The following BCL9 variants were observed in gnomAD, a reference collection of about 807,000 sequenced individuals.
The protein encoded by BCL9 is B-cell CLL/lymphoma 9 protein.
Under a neutral mutation model 88.5 loss-of-function variants are expected in BCL9, and 25 were observed. The observed-to-expected ratio is 0.28, with a 90% confidence interval of 0.21 to 0.39. BCL9 has a LOEUF of 0.39. Ranked by LOEUF, BCL9 falls within the 10% of genes least tolerant of loss-of-function variation. BCL9 has a pLI of 1.00. For missense variants in BCL9, 1,817 were observed against 1,877.8 expected (o/e 0.97, Z 0.60); for synonymous variants, 711 against 673.3 (o/e 1.06, Z -0.87).
rs191766933 is a variant in BCL9, at chr1:147,625,578, C to T, written c.*619C>T. 51 of 158,898 alleles carry T rather than the reference C, an allele frequency of 3.2e-4. No homozygotes were observed. Among genetic ancestry groups the T allele is most frequent in the African/African-American group, 1.4e-3 (37 of 26,074 alleles). 9.8% of individuals were successfully genotyped at this position (158,898 alleles called of 1,614,324 possible). ...GCACAAAAAAAGGAACTAAGTTCAG[C>T]GAGGGGTGGGGGGAGGGGGGAGATT... On this transcript the variant is annotated 3_prime_UTR_variant, in exon 10 of 10. Transcript: ENST00000234739.
Position 147,619,535 on chromosome 1 carries a change from C to G in BCL9, c.1380C>G (p.Asp460Glu). ...CCCAGTCTGGGACCATAGGACCCGA[C>G]CACCTTGACCATATGACTCCCGAGC... is the stretch of plus-strand genomic sequence containing the variant. The part of the protein sequence containing the change: ...MNSQSGTIGP[D>E]HLDHMTPEQI... Residue 460 changes from aspartate (D) to glutamate (E), a missense_variant, in exon 8 of 10, where the codon GAC (aspartate) becomes GAG (glutamate). By Grantham distance (45) the Asp-to-Glu change is conservative. Transcript: ENST00000234739. The surrounding 1 kb of genome is among the most constrained non-coding windows in gnomAD (Gnocchi z 4.1). The G allele has an allele frequency of 6.2e-7, 1 of 1,614,138 alleles. No homozygotes were observed. Among genetic ancestry groups the G allele is most frequent in the Non-Finnish European group, 8.5e-7 (1 of 1,180,020 alleles).
intron 7 of BCL9, among the ~76,000 whole-genome samples, chr1:147,618,281 C>G (rs927002149): frequency 4.9e-4 from 75 of 152,178 alleles, no homozygotes; most frequent in African/African-American, 1.7e-3. Flanking sequence ...CCAGAGGAGA[C>G]GTTGAAATGG....
In BCL9 at chr1:147,622,390, A is replaced by G; in HGVS notation, c.3022A>G (p.Ile1008Val). The stretch of plus-strand genomic sequence containing the variant: ...AACCCTTTCCCAGAACCCACTCTCT[A>G]TTATGATGTCTCGAATGTCCAAGTT... The part of the protein sequence containing the change: ...EPTLSQNPLS[I>V]MMSRMSKFAM... Residue 1008 changes from isoleucine to valine, a missense_variant, in exon 9 of 10, where the codon ATT (isoleucine) becomes GTT (valine). Around this residue, in one of 2 missense-constraint regions of BCL9, gnomAD observed 589 missense variants for 686.2 expected, o/e 0.86. Transcript: ENST00000234739. The G allele has an allele frequency of 1.2e-6, 2 of 1,614,128 alleles. No individual in the cohort carries two copies. Among genetic ancestry groups the G allele is most frequent in the Non-Finnish European group, 1.7e-6 (2 of 1,180,026 alleles).
At position 147,624,385 on chromosome 1, in the gene BCL9, T is replaced by A; in HGVS notation, c.3707T>A (p.Leu1236Gln). The A allele has an allele frequency of 6.2e-7, 1 of 1,614,224 alleles. No individual in the cohort carries two copies. ...PGATGIPEFD[L>Q]SRIIPSEKPS... is the part of the protein sequence containing the mutation. ...GCCACCGGAATACCTGAGTTTGATC[T>A]ATCCCGCATTATTCCATCTGAGAAG... The change falls in exon 10 of 10, where the codon CTA becomes CAA. Residue 1236 changes from leucine (L) to glutamine (Q), a missense_variant. This residue lies in a region of BCL9 where 589 missense variants were observed against 686.2 expected (regional missense o/e 0.86). Transcript: ENST00000234739. The surrounding 1 kb of genome is among the most constrained non-coding windows in gnomAD (Gnocchi z 4.4).
intron 1 of BCL9, among the ~76,000 whole-genome samples, chr1:147,568,957 A>G (rs1655737321): frequency 1.3e-5 from 2 of 152,132 alleles, no homozygotes; most frequent in Admixed American, 6.5e-5. Context: ...CATAAGATAA[A>G]TGTTTTCCCT....
chr1:147,623,937 T>A lies in BCL9; in HGVS notation c.3259T>A (p.Ser1087Thr). 6.2e-7 allele frequency: 1 copy of A among 1,614,204 alleles called. No homozygotes were observed. The highest frequency in any genetic ancestry group is 1.1e-5 in the South Asian group (1 of 91,086). Residue 1087 changes from serine to threonine, a missense_variant, in exon 10 of 10, where the codon TCT becomes ACT. By Grantham distance (58) the Ser-to-Thr change is moderately conservative. Transcript: ENST00000234739. Reference sequence around the variant, plus strand: ...CCCAATGGGAATGACCCAGCCACTTTCTCACTCCAATCAGATGCCCTCTCC... The same window carrying A: ...CCCAATGGGAATGACCCAGCCACTTACTCACTCCAATCAGATGCCCTCTCC... The part of the protein sequence containing the change: ...LSPMGMTQPL[S>T]HSNQMPSPNA...
chr1:147,542,309 T>C (rs1219010214), intron 1 of BCL9, among the ~76,000 whole-genome samples: 3 of 152,184 alleles, frequency 2.0e-5, no homozygotes, highest in African/African-American at 4.8e-5. Context: ...CACAAGACGA[T>C]CCAGAAACTT....
intron 2 of BCL9, among the ~76,000 whole-genome samples, chr1:147,605,867 G>A (rs1657672967): frequency 6.6e-6 from 1 of 152,156 alleles, no homozygotes; most frequent in African/African-American, 2.4e-5. Context: ...TGTTAAACAT[G>A]ACATCGTTCT....
chr1:147,583,256 C>CTTTT (rs1280964843), intron 1 of BCL9, among the ~76,000 whole-genome samples: 11 of 151,586 alleles, frequency 7.3e-5, no homozygotes, highest in African/African-American at 2.4e-4. Flanking sequence ...GACTGTTTGC[C>CTTTT]TTTTATTTAT....
At chr1:147,603,112 T>G (rs1553201548) in intron 1 of BCL9, among the ~76,000 whole-genome samples, 1 of 152,232 alleles carries the variant, frequency 6.6e-6, no homozygotes, top group African/African-American at 2.4e-5. Context: ...CCAATTTCTG[T>G]AAAACTACAG....
intron 1 of BCL9, among the ~76,000 whole-genome samples, chr1:147,589,910 A>G (rs1289247650): frequency 3.9e-5 from 6 of 152,200 alleles, no homozygotes; most frequent in Non-Finnish European, 8.8e-5. Flanking sequence ...ACAAACTGCT[A>G]AACTGTTTTT....
intron 1 of BCL9, among the ~76,000 whole-genome samples, chr1:147,576,986 A>C (rs1462458789): frequency 6.6e-6 from 1 of 152,232 alleles, no homozygotes; most frequent in African/African-American, 2.4e-5. Context: ...ACAGGGCTTG[A>C]TGAATCTTTG....
intron 3 of BCL9, among the ~76,000 whole-genome samples, chr1:147,610,717 G>C (rs1657954295): frequency 6.6e-6 from 1 of 152,228 alleles, no homozygotes; most frequent in South Asian, 2.1e-4. Context: ...GAGACTTAAA[G>C]TATGTCTTGG....
intron 1 of BCL9, among the ~76,000 whole-genome samples, chr1:147,550,462 A>G (rs371991426): frequency 1.6e-4 from 24 of 152,210 alleles, no homozygotes; most frequent in African/African-American, 5.8e-4. Context: ...AATTTATAAC[A>G]AAAAAAATTG....
chr1:147,545,971 G>A (rs587596160), intron 1 of BCL9, among the ~76,000 whole-genome samples: 1 of 152,272 alleles, frequency 6.6e-6, no homozygotes, highest in African/African-American at 2.4e-5. Flanking sequence ...CTCTGCAAGA[G>A]ATGAGAAGCA....
chr1:147,624,390 C>G lies in BCL9; in HGVS notation c.3712C>G (p.Arg1238Gly). Residue 1238 changes from arginine to glycine, a missense_variant, in exon 10 of 10, where the codon CGC becomes GGC. Transcript: ENST00000234739. The surrounding 1 kb of genome is among the most constrained non-coding windows in gnomAD (Gnocchi z 4.4). Reference sequence around the variant, plus strand: ...CGGAATACCTGAGTTTGATCTATCCCGCATTATTCCATCTGAGAAGCCCAG... The same window carrying G: ...CGGAATACCTGAGTTTGATCTATCCGGCATTATTCCATCTGAGAAGCCCAG... ...ATGIPEFDLS[R>G]IIPSEKPSQT... 1.2e-6 allele frequency: 2 copies of G among 1,614,210 alleles called. No individual in the cohort carries two copies. The highest frequency in any genetic ancestry group is 1.3e-5 in the African/African-American group (1 of 75,052).
intron 1 of BCL9, among the ~76,000 whole-genome samples, chr1:147,603,834 G>A (rs148177812): frequency 2.2e-4 from 34 of 152,138 alleles, no homozygotes; most frequent in Non-Finnish European, 4.1e-4. Flanking sequence ...ACCTTATAAT[G>A]TCCCATGTGC....
intron 3 of BCL9, among the ~76,000 whole-genome samples, chr1:147,607,204 TA>T (rs1657759812): frequency 6.6e-6 from 1 of 152,226 alleles, no homozygotes; most frequent in Non-Finnish European, 1.5e-5. Flanking sequence ...GCATTGTGCA[TA>T]TATACCACCT....
chr1:147,543,848 A>G (rs2101451426), intron 1 of BCL9, among the ~76,000 whole-genome samples: 1 of 152,174 alleles, frequency 6.6e-6, no homozygotes, highest in South Asian at 2.1e-4. Context: ...CCTCACACCC[A>G]CATTTGATTT....
Sources: allele counts gnomAD v4.1 joint callset (sites outside exome capture counted in the v4.1 genomes callset), GRCh38; gene constraint gnomAD v4.1.1; regional missense constraint gnomAD v4.1.1; non-coding constraint Gnocchi (gnomAD v3.1); transcripts MANE v1.5; gene names NCBI Gene and HGNC (gene_info 2026-07-23, HGNC 2026-07-21).